LHFPL3: variants seen among roughly 807,000 people sequenced by gnomAD.
LHFPL3 encodes the protein LHFPL tetraspan subfamily member 3, also known as LHFPL tetraspan subfamily member 3 protein.
LHFPL3 carries 5 observed loss-of-function variants against 19.3 expected under a neutral mutation model. The ratio of observed to expected loss-of-function variants is 0.26; its 90% confidence interval spans 0.14 to 0.54. The LOEUF is 0.54. LHFPL3 is among the 20% of genes least tolerant of loss of function. The probability of loss-of-function intolerance (pLI) is 0.94; values close to 1 mark genes in which losing one functional copy is unlikely to be tolerated. For synonymous variants in LHFPL3, 133 were observed against 126.2 expected (o/e 1.05, Z -0.36); for missense variants, 249 against 307.4 (o/e 0.81, Z 1.42).
chr7:104,739,725 C>A (rs1280161238), intron 2 of LHFPL3, among the ~76,000 whole-genome samples: 1 of 152,074 alleles, frequency 6.6e-6, no homozygotes, highest in African/African-American at 2.4e-5. Context: ...AAATCTAGTT[C>A]CAGCTTGGAA....
intron 1 of LHFPL3, among the ~76,000 whole-genome samples, chr7:104,660,956 G>T (rs1792214614): frequency 6.6e-6 from 1 of 152,184 alleles, no homozygotes; most frequent in South Asian, 2.1e-4. Context: ...ACTCAGATGG[G>T]TTTAAATCTT....
At chr7:104,706,164 C>G (rs1171732810) in intron 1 of LHFPL3, among the ~76,000 whole-genome samples, 1 of 152,112 alleles carries the variant, frequency 6.6e-6, no homozygotes, top group Non-Finnish European at 1.5e-5. Flanking sequence ...TATGAGCCCA[C>G]AGTCTGACCC....
chr7:104,538,163 A>C (rs1794422514), intron 1 of LHFPL3, among the ~76,000 whole-genome samples: 1 of 152,220 alleles, frequency 6.6e-6, no homozygotes, highest in Non-Finnish European at 1.5e-5. Flanking sequence ...CCACTGCATA[A>C]TCAATGCTAA....
intron 2 of LHFPL3, among the ~76,000 whole-genome samples, chr7:104,832,841 G>C (rs1397250273): frequency 7.5e-5 from 11 of 145,816 alleles, no homozygotes; most frequent in African/African-American, 2.8e-4. Context: ...GCTAGGCGTG[G>C]TGGCATGTGC....
At chr7:104,638,365 T>C (rs962663144) in intron 1 of LHFPL3, among the ~76,000 whole-genome samples, 1 of 152,180 alleles carries the variant, frequency 6.6e-6, no homozygotes, top group African/African-American at 2.4e-5. Context: ...TCTTCCTATT[T>C]GAATGCCTTT....
At chr7:104,844,507 C>T (rs151083921) in intron 2 of LHFPL3, among the ~76,000 whole-genome samples, 168 of 152,322 alleles carry the variant, frequency 1.1e-3, no homozygotes, top group African/African-American at 3.8e-3. Context: ...GGAACTATTG[C>T]TCTATCCATG....
chr7:104,674,472 G>A (rs896415810), intron 1 of LHFPL3, among the ~76,000 whole-genome samples: 1 of 151,172 alleles, frequency 6.6e-6, no homozygotes, highest in African/African-American at 2.4e-5. Flanking sequence ...GGGTTCAAGC[G>A]ATTCTCCTGC....
chr7:104,871,423 T>C (rs1228343286), intron 2 of LHFPL3, among the ~76,000 whole-genome samples: 1 of 151,820 alleles, frequency 6.6e-6, no homozygotes, highest in African/African-American at 2.4e-5. Context: ...AGTGAGTGAA[T>C]GGTGAATGAA....
chr7:104,511,564 C>G (rs368994829), intron 1 of LHFPL3, among the ~76,000 whole-genome samples: 2 of 152,156 alleles, frequency 1.3e-5, no homozygotes, highest in African/African-American at 4.8e-5. Flanking sequence ...TGGAAGCAAC[C>G]CAGATGTCTT....
intron 1 of LHFPL3, among the ~76,000 whole-genome samples, chr7:104,348,778 A>G (rs922139732): frequency 6.6e-6 from 1 of 152,230 alleles, no homozygotes; most frequent in Non-Finnish European, 1.5e-5. Context: ...AAAGACTGAA[A>G]GACACTGCAG....
chr7:104,514,154 T>C (rs751446477), intron 1 of LHFPL3, among the ~76,000 whole-genome samples: 6 of 152,200 alleles, frequency 3.9e-5, no homozygotes, highest in Non-Finnish European at 8.8e-5. Context: ...CTTTTCAGCA[T>C]ATGCCATTCT....
chr7:104,864,497 G>A (rs546097753), intron 2 of LHFPL3, among the ~76,000 whole-genome samples: 14 of 152,214 alleles, frequency 9.2e-5, no homozygotes, highest in South Asian at 4.1e-4. Flanking sequence ...AGAGTCCTAC[G>A]CCCAATGTGC....
At chr7:104,611,274 T>G (rs1428904681) in intron 1 of LHFPL3, among the ~76,000 whole-genome samples, 3 of 152,206 alleles carry the variant, frequency 2.0e-5, no homozygotes, top group Non-Finnish European at 2.9e-5. Context: ...TTATCCCCAG[T>G]TTACAAATAA....
chr7:104,780,011 GAC>G (rs1365213334), intron 2 of LHFPL3, among the ~76,000 whole-genome samples: 1 of 152,176 alleles, frequency 6.6e-6, no homozygotes, highest in African/African-American at 2.4e-5. Flanking sequence ...TGACCAGAGA[GAC>G]AATCATTTAC....
chr7:104,710,095 C>T (rs990898789), intron 1 of LHFPL3, among the ~76,000 whole-genome samples: 2 of 152,224 alleles, frequency 1.3e-5, no homozygotes, highest in East Asian at 3.9e-4. Flanking sequence ...CCGAGGCAGG[C>T]AGATCACTCG....
At chr7:104,863,078 G>A (rs930364858) in intron 2 of LHFPL3, among the ~76,000 whole-genome samples, 4 of 152,170 alleles carry the variant, frequency 2.6e-5, no homozygotes, top group African/African-American at 4.8e-5. Context: ...AGCTTAATGA[G>A]CTTTTCCTAA....
chr7:104,565,065 G>T (rs748571559), intron 1 of LHFPL3, among the ~76,000 whole-genome samples: 12 of 152,150 alleles, frequency 7.9e-5, no homozygotes, highest in South Asian at 4.1e-4. Flanking sequence ...CATTGATCTG[G>T]AAAGTCATTT....
intron 1 of LHFPL3, among the ~76,000 whole-genome samples, chr7:104,433,820 T>C (rs969077810): frequency 5.3e-5 from 8 of 152,178 alleles, no homozygotes; most frequent in Admixed American, 1.3e-4. Flanking sequence ...TGTTACTGAC[T>C]TCTGTCTTCC....
At chr7:104,841,490 T>TGG (rs775464256) in intron 2 of LHFPL3, among the ~76,000 whole-genome samples, 30 of 145,048 alleles carry the variant, frequency 2.1e-4, no homozygotes, top group African/African-American at 6.1e-4. Context: ...ATGCATTATG[T>TGG]GGGGTGTGTG....
Sources: gnomAD v4.1 joint callset for allele counts (sites outside exome capture counted in the v4.1 genomes callset) on GRCh38, gnomAD v4.1.1 for gene constraint, MANE v1.5 for transcripts, NCBI Gene and HGNC (gene_info 2026-07-23, HGNC 2026-07-21) for gene names.